CSMD1: variants seen among roughly 807,000 people sequenced by gnomAD.
CSMD1 encodes CUB and Sushi multiple domains 1.
Under a neutral mutation model 417.5 loss-of-function variants are expected in CSMD1, and 213 were observed. The observed-to-expected ratio is 0.51, with a 90% confidence interval of 0.46 to 0.57. CSMD1 has a LOEUF of 0.57. CSMD1 is among the 20% of genes least tolerant of loss of function. CSMD1 has a pLI of 0.00. For missense variants in CSMD1, 6,923 were observed against 4,529.7 expected (o/e 1.53, Z -15.17); for synonymous variants, 2,862 against 1,736.8 (o/e 1.65, Z -16.11).
chr8:3,968,113 G>A (rs1035297314), intron 5 of CSMD1, among the ~76,000 whole-genome samples: 3 of 151,654 alleles, frequency 2.0e-5, no homozygotes, highest in Non-Finnish European at 2.9e-5. Context: ...CGTGAACCCG[G>A]GAGGCAGAGC....
intron 41 of CSMD1, among the ~76,000 whole-genome samples, chr8:3,124,149 G>A (rs1315461337): frequency 6.6e-6 from 1 of 152,002 alleles, no homozygotes; most frequent in Non-Finnish European, 1.5e-5. Context: ...CGTGTGGGGA[G>A]GGGGGAGCAG....
intron 3 of CSMD1, among the ~76,000 whole-genome samples, chr8:4,391,794 G>C (rs1401502316): frequency 1.3e-5 from 2 of 152,152 alleles, no homozygotes; most frequent in Admixed American, 6.5e-5. Flanking sequence ...TTGAGCGGCT[G>C]CTAAGCTCAA....
At chr8:4,754,985 A>C (rs1811577414) in intron 1 of CSMD1, among the ~76,000 whole-genome samples, 1 of 151,684 alleles carries the variant, frequency 6.6e-6, no homozygotes, top group Non-Finnish European at 1.5e-5. Context: ...AAAAACACAA[A>C]AAATCAGCCG....
intron 3 of CSMD1, among the ~76,000 whole-genome samples, chr8:4,337,376 C>G (rs145822810): frequency 6.6e-6 from 1 of 152,068 alleles, no homozygotes; most frequent in Non-Finnish European, 1.5e-5. Flanking sequence ...GTCATTTCTG[C>G]CCTTCTTCAG....
intron 43 of CSMD1, among the ~76,000 whole-genome samples, chr8:3,109,306 C>A (rs1285202350): frequency 6.6e-6 from 1 of 152,132 alleles, no homozygotes; most frequent in Admixed American, 6.5e-5. Flanking sequence ...ATGTCAACAC[C>A]TGTGAGATTT....
chr8:3,881,497 C>A (rs757712744), intron 5 of CSMD1, among the ~76,000 whole-genome samples: 1 of 150,254 alleles, frequency 6.7e-6, no homozygotes, highest in Non-Finnish European at 1.5e-5. Context: ...ATTAGCTGGG[C>A]GTAGTGGTGG....
chr8:3,794,869 T>A (rs1264028421), intron 5 of CSMD1, among the ~76,000 whole-genome samples: 1 of 56,454 alleles, frequency 1.8e-5, no homozygotes, highest in African/African-American at 3.3e-5. Context: ...AATTTACCAA[T>A]GATCTCTCTC....
intron 5 of CSMD1, among the ~76,000 whole-genome samples, chr8:3,799,753 A>G (rs1014828794): frequency 6.6e-6 from 1 of 151,992 alleles, no homozygotes; most frequent in Non-Finnish European, 1.5e-5. Context: ...GCTGTACAAA[A>G]CTTTACTCAC....
chr8:3,978,830 G>C (rs558131276), intron 5 of CSMD1, among the ~76,000 whole-genome samples: 6 of 152,174 alleles, frequency 3.9e-5, no homozygotes, highest in Admixed American at 2.6e-4. Context: ...CTGAGGTCTC[G>C]TCTCCTCTTG....
At chr8:3,660,918 A>G (rs1382607970) in intron 7 of CSMD1, among the ~76,000 whole-genome samples, 1 of 152,210 alleles carries the variant, frequency 6.6e-6, no homozygotes, top group African/African-American at 2.4e-5. Context: ...CCCAATTCAT[A>G]GAAGTTTCTT....
In CSMD1 at chr8:3,737,481, T is replaced by C. The variant is rs117014182; in HGVS notation, c.931+16449A>G. 9.0e-4 allele frequency among the ~76,000 whole-genome samples: 137 copies of C among 152,364 alleles called. 2 individuals are homozygous for C. In the East Asian group the frequency reaches 0.024, roughly 27 times the overall value. ...ATTGTTAAATGCCATCATCTTGCTC[T>C]CTGTTGAAAAATTTCTCTGTTGAAC... On this transcript the variant is annotated intron_variant, in intron 6 of 69. Transcript: ENST00000635120.
chr8:4,051,191 CT>C (rs1798406450), intron 3 of CSMD1, among the ~76,000 whole-genome samples: 2 of 15,610 alleles, frequency 1.3e-4, no homozygotes, highest in African/African-American at 3.4e-4. Context: ...TGCTGAGAAT[CT>C]CTGCTGAGAG....
intron 5 of CSMD1, among the ~76,000 whole-genome samples, chr8:3,914,498 A>G (rs1170275276): frequency 6.6e-6 from 1 of 152,200 alleles, no homozygotes; most frequent in Non-Finnish European, 1.5e-5. Context: ...TGTGTGTGCA[A>G]TCTGTGTAAA....
At chr8:4,668,574 A>G (rs1291136677) in intron 1 of CSMD1, among the ~76,000 whole-genome samples, 1 of 151,432 alleles carries the variant, frequency 6.6e-6, no homozygotes, top group African/African-American at 2.4e-5. Context: ...CTCAGCCTCC[A>G]GAGAAGCTGG....
At chr8:3,109,391 G>A (rs908883279) in intron 43 of CSMD1, among the ~76,000 whole-genome samples, 7 of 152,104 alleles carry the variant, frequency 4.6e-5, no homozygotes, top group African/African-American at 1.2e-4. Context: ...GTTTTAAAAC[G>A]GCAGTTTCAT....
intron 2 of CSMD1, among the ~76,000 whole-genome samples, chr8:4,533,353 G>T (rs115496559): frequency 6.6e-6 from 1 of 152,144 alleles, no homozygotes; most frequent in Non-Finnish European, 1.5e-5. Context: ...AATTCATTTG[G>T]AAAGGCTTCT....
rs376686928 is a variant in CSMD1 at position 4,542,365 on chromosome 8, A to T, written c.302+94977T>A. On this transcript the variant is annotated intron_variant, in intron 2 of 69. Transcript: ENST00000635120. ...GATACAAACTTACTAACAAAAAAAA[A>T]GTTTTAATTTTTAAGTTTTCTCTTC... Among the ~76,000 whole-genome samples, 5 of 151,554 alleles carry T rather than the reference A, an allele frequency of 3.3e-5. No homozygotes were observed. In the South Asian group the frequency reaches 1.0e-3, roughly 32 times the overall value.
At chr8:3,455,651 C>T (rs563715374) in intron 12 of CSMD1, among the ~76,000 whole-genome samples, 11 of 152,324 alleles carry the variant, frequency 7.2e-5, no homozygotes, top group African/African-American at 1.4e-4. Context: ...GCAAATGCTG[C>T]TGCCTGATCC....
intron 3 of CSMD1, among the ~76,000 whole-genome samples, chr8:4,277,251 A>C (rs1355935159): frequency 1.3e-5 from 2 of 152,052 alleles, no homozygotes; most frequent in Non-Finnish European, 2.9e-5. Flanking sequence ...GTTAATCTTT[A>C]AGAATTTCTT....
Sources: gnomAD v4.1 joint callset for allele counts (sites outside exome capture counted in the v4.1 genomes callset) on GRCh38, gnomAD v4.1.1 for gene constraint, MANE v1.5 for transcripts, NCBI Gene and HGNC (gene_info 2026-07-23, HGNC 2026-07-21) for gene names.